BRINP3: variants seen among roughly 807,000 people sequenced by gnomAD.
The protein encoded by BRINP3 is BMP/retinoic acid-inducible neural-specific protein 3.
Under a neutral mutation model 71.0 loss-of-function variants are expected in BRINP3, and 19 were observed. The observed-to-expected ratio is 0.27, with a 90% CI of 0.19 to 0.39. The LOEUF is 0.39. Among genes scored for constraint, BRINP3 ranks in the 10% least tolerant of loss-of-function variants. The pLI is 1.00. For missense variants in BRINP3, 959 were observed against 940.8 expected, an observed-to-expected ratio of 1.02 and a Z score of -0.25; for synonymous variants, 380 against 337.7, an observed-to-expected ratio of 1.13 and a Z score of -1.37.
intron 2 of BRINP3, among the ~76,000 whole-genome samples, chr1:190,378,023 T>C (rs941189992): frequency 6.6e-6 from 1 of 152,008 alleles, no homozygotes; most frequent in African/African-American, 2.4e-5. Flanking sequence ...TGAAAACTCA[T>C]CCTAAAATTA....
At chr1:190,154,084 T>G in intron 7 of BRINP3, 1 of 965,274 alleles carries the variant, frequency 1.0e-6, no homozygotes, top group Non-Finnish European at 1.2e-6. Flanking sequence ...TGATTTTTAG[T>G]TCTAGTCATC....
intron 2 of BRINP3, among the ~76,000 whole-genome samples, chr1:190,429,463 T>G (rs577469657): frequency 6.6e-6 from 1 of 152,310 alleles, no homozygotes. Flanking sequence ...GATGAAAACT[T>G]ACTTTTCAGC....
intron 6 of BRINP3, among the ~76,000 whole-genome samples, chr1:190,210,897 C>T (rs897929098): frequency 1.3e-5 from 2 of 152,038 alleles, no homozygotes; most frequent in East Asian, 1.9e-4. Flanking sequence ...GGAAGGACTA[C>T]GCTTGTTGAG....
chr1:190,114,247 T>C (rs1652935648), intron 7 of BRINP3, among the ~76,000 whole-genome samples: 1 of 152,174 alleles, frequency 6.6e-6, no homozygotes, highest in South Asian at 2.1e-4. Flanking sequence ...GATTGTGAGC[T>C]TCCTGAGGCC....
intron 2 of BRINP3, among the ~76,000 whole-genome samples, chr1:190,290,826 C>T (rs1663805798): frequency 6.6e-6 from 1 of 151,986 alleles, no homozygotes; most frequent in East Asian, 1.9e-4. Context: ...GACATTAACT[C>T]ATTTACAGAT....
At chr1:190,457,301 A>T (rs1446507080) in intron 1 of BRINP3, among the ~76,000 whole-genome samples, 2 of 152,046 alleles carry the variant, frequency 1.3e-5, no homozygotes, top group Non-Finnish European at 2.9e-5. Flanking sequence ...AAAATTAGCC[A>T]GGCAGGGTGG....
chr1:190,197,235 G>A (rs1654566954), intron 6 of BRINP3, among the ~76,000 whole-genome samples: 1 of 152,008 alleles, frequency 6.6e-6, no homozygotes, highest in Non-Finnish European at 1.5e-5. Flanking sequence ...TGACATGTGG[G>A]GATTATAGGA....
intron 2 of BRINP3, among the ~76,000 whole-genome samples, chr1:190,361,681 C>T (rs562522748): frequency 3.3e-5 from 5 of 152,068 alleles, no homozygotes; most frequent in African/African-American, 9.7e-5. Context: ...GAATTACAGG[C>T]GTGAGCCACC....
At chr1:190,472,161 G>A (rs1677179352) in intron 1 of BRINP3, among the ~76,000 whole-genome samples, 1 of 151,510 alleles carries the variant, frequency 6.6e-6, no homozygotes, top group African/African-American at 2.4e-5. Context: ...TATCTCTTAT[G>A]TCATTTTATG....
chr1:190,302,428 A>T (rs1571687093), intron 2 of BRINP3, among the ~76,000 whole-genome samples: 1 of 151,656 alleles, frequency 6.6e-6, no homozygotes, highest in Non-Finnish European at 1.5e-5. Flanking sequence ...TTTAGTTAAT[A>T]GTAAATACAA....
At chr1:190,372,157 G>A (rs557221976) in intron 2 of BRINP3, among the ~76,000 whole-genome samples, 1 of 152,268 alleles carries the variant, frequency 6.6e-6, no homozygotes, top group South Asian at 2.1e-4. Flanking sequence ...AGACCTCACA[G>A]ACATTAAGAA....
At chr1:190,195,711 C>T (rs548627377) in intron 6 of BRINP3, among the ~76,000 whole-genome samples, 1 of 152,006 alleles carries the variant, frequency 6.6e-6, no homozygotes, top group South Asian at 2.1e-4. Context: ...AACTAATTAA[C>T]ATTCTCTTCT....
At chr1:190,295,956 T>C (rs531369013) in intron 2 of BRINP3, among the ~76,000 whole-genome samples, 2 of 152,208 alleles carry the variant, frequency 1.3e-5, no homozygotes, top group East Asian at 3.9e-4. Flanking sequence ...GTATAGTTAT[T>C]CAATGTAATG....
chr1:190,210,621 A>G (rs1655899764), intron 6 of BRINP3, among the ~76,000 whole-genome samples: 2 of 152,088 alleles, frequency 1.3e-5, no homozygotes, highest in Non-Finnish European at 2.9e-5. Context: ...TCTTCTTCAT[A>G]CCTGAATGAC....
At chr1:190,468,291 A>G (rs1676896867) in intron 1 of BRINP3, among the ~76,000 whole-genome samples, 1 of 151,302 alleles carries the variant, frequency 6.6e-6, no homozygotes, top group South Asian at 2.1e-4. Flanking sequence ...TTAACAGTTA[A>G]TCAAACACTT....
chr1:190,201,676 T>C lies in BRINP3; in HGVS notation c.961+24406A>G, dbSNP rs144188330. ...TGTGTAGCCTAGGGACTTGGTGTCC[T>C]GCATCCCAGCTGCTCCAGCCATGGT... is the stretch of plus-strand genomic sequence containing the variant. On this transcript the variant is annotated intron_variant, in intron 6 of 7. Coordinates refer to ENST00000367462, the MANE Select transcript of BRINP3 (RefSeq NM_199051.3). Among the ~76,000 whole-genome samples the C allele has an allele frequency of 5.5e-3, 836 of 152,226 alleles. 6 individuals carry two copies. The highest frequency in any genetic ancestry group is 0.018 in the African/African-American group (763 of 41,574).
At chr1:190,324,114 C>T (rs1339982481) in intron 2 of BRINP3, among the ~76,000 whole-genome samples, 1 of 151,900 alleles carries the variant, frequency 6.6e-6, no homozygotes, top group Non-Finnish European at 1.5e-5. Context: ...GAAGAAATTT[C>T]TAGATCCAGT....
At chr1:190,281,924 T>G (rs1340684161) in intron 2 of BRINP3, among the ~76,000 whole-genome samples, 174 bp from the exon 3 acceptor site, 2 of 151,838 alleles carry the variant, frequency 1.3e-5, no homozygotes, top group Non-Finnish European at 2.9e-5. Flanking sequence ...GAGTGAATAC[T>G]CTAAAACCAA....
intron 7 of BRINP3, among the ~76,000 whole-genome samples, chr1:190,111,570 TA>T (rs532300939): frequency 1.7e-3 from 256 of 152,276 alleles, no homozygotes; most frequent in African/African-American, 5.9e-3. Context: ...TAGAGGTAGC[TA>T]TGTTACGCAG....
Sources: gnomAD v4.1 joint callset for allele counts (sites outside exome capture counted in the v4.1 genomes callset) on GRCh38, gnomAD v4.1.1 for gene constraint, MANE v1.5 for transcripts, NCBI Gene and HGNC (gene_info 2026-07-23, HGNC 2026-07-21) for gene names.